The following CDKL3 variants were observed in gnomAD, a reference collection of about 807,000 sequenced individuals.
CDKL3 encodes the protein cyclin dependent kinase like 3, also known as cyclin-dependent kinase-like 3.
In CDKL3, 65 loss-of-function variants were observed where a neutral mutation model predicts 69.3. The observed-to-expected ratio is 0.94, with a 90% CI of 0.77 to 1.15. The LOEUF (loss-of-function observed/expected upper bound fraction) is 1.15. Ranked by LOEUF, CDKL3 falls within the 50% of genes most tolerant of loss-of-function variation. The pLI, the probability that CDKL3 is intolerant of heterozygous loss-of-function variation, is 0.00. For missense variants in CDKL3, 652 were observed against 689.2 expected (o/e 0.95, Z 0.61); for synonymous variants, 202 against 221.6 (o/e 0.91, Z 0.79).
At chr5:134,297,657 C>T (rs1243575680), downstream of CDKL3, among the ~76,000 whole-genome samples, 1 of 151,566 alleles carries the variant, frequency 6.6e-6, no homozygotes, top group African/African-American at 2.4e-5. Flanking sequence ...TCTCGGCTCA[C>T]CACAACCTCC....
intron 5 of CDKL3, among the ~76,000 whole-genome samples, chr5:134,321,386 G>A (rs1283783831): frequency 6.6e-6 from 1 of 151,948 alleles, no homozygotes; most frequent in African/African-American, 2.4e-5. Context: ...AAAGAAGGGT[G>A]GTTTCTGAGT....
chr5:134,342,599 C>CAAAAAA (rs1037920958), intron 4 of CDKL3, among the ~76,000 whole-genome samples: 2 of 93,620 alleles, frequency 2.1e-5, no homozygotes. Context: ...GACTCTGTCT[C>CAAAAAA]AAAAAAAAAA....
intron 5 of CDKL3, among the ~76,000 whole-genome samples, chr5:134,319,920 G>A (rs959249736): frequency 8.6e-5 from 13 of 152,032 alleles, no homozygotes; most frequent in African/African-American, 2.9e-4. Context: ...TCAAAATATT[G>A]CAAAAAAAGA....
chr5:134,283,759 A>AAAGTCCACTTGCCTTATCTGAGATAAGGC (rs1764730683), downstream of CDKL3, among the ~76,000 whole-genome samples: 10 of 152,070 alleles, frequency 6.6e-5, no homozygotes, highest in Admixed American at 3.3e-4. Flanking sequence ...AGTCTACTCA[A>AAAGTCCACTTGCCTTATCTGAGATAAGGC]AAGTCCACTT....
downstream of CDKL3, chr5:134,298,055 T>C (rs1765470023): frequency 6.3e-6 from 1 of 159,206 alleles, no homozygotes; most frequent in Non-Finnish European, 1.3e-5. Flanking sequence ...TGTCTCAGCC[T>C]CCTGAGTAGC....
chr5:134,299,427 A>C, intron 12 of CDKL3: 1 of 1,008,420 alleles, frequency 9.9e-7, no homozygotes, highest in South Asian at 3.1e-5. Flanking sequence ...AAATAAAATT[A>C]TATGACTAAA....
At chr5:134,328,961 G>A (rs1353936920) in intron 4 of CDKL3, among the ~76,000 whole-genome samples, 5 of 152,154 alleles carry the variant, frequency 3.3e-5, no homozygotes, top group African/African-American at 9.7e-5. Flanking sequence ...AAAACTGAGA[G>A]AATTTGTTGC....
At chr5:134,283,783 T>C (rs1402910102), downstream of CDKL3, among the ~76,000 whole-genome samples, 1 of 152,106 alleles carries the variant, frequency 6.6e-6, no homozygotes, top group East Asian at 1.9e-4. Flanking sequence ...TTATCTGAGA[T>C]AAGGCAAGTC....
At position 134,308,333 on chromosome 5, in the gene CDKL3, T is replaced by C. The variant is rs371077911; in HGVS notation, c.1169A>G (p.Asn390Ser). The C allele has an allele frequency of 2.5e-5, 41 of 1,613,990 alleles. No individual in the cohort carries two copies. In the African/African-American group the frequency reaches 5.5e-4, roughly 22 times the overall value. Residue 390 changes from asparagine to serine, a missense_variant, in exon 9 of 13, where the codon AAT becomes AGT. By Grantham distance (46) the Asn-to-Ser change is conservative. Coordinates refer to ENST00000265334, the MANE Select transcript of CDKL3 (RefSeq NM_001113575.2). ...GGLGQQDANE[N>S]VHPMSPDTKL... ...TGTATCTGGAGACATAGGATGAACA[T>C]TTTCATTTGCATCCTGTTGACCAAG...
chr5:134,365,858 T>C (rs1757277979), intron 2 of CDKL3, among the ~76,000 whole-genome samples: 1 of 152,204 alleles, frequency 6.6e-6, no homozygotes. Flanking sequence ...CACAACAGTT[T>C]CTCCCTCTTA....
intron 2 of CDKL3, among the ~76,000 whole-genome samples, chr5:134,365,068 C>T (rs1369118974): frequency 1.3e-5 from 2 of 151,670 alleles, no homozygotes; most frequent in African/African-American, 4.8e-5. Flanking sequence ...CTGCAAGCTC[C>T]GCCTCCCGGG....
intron 4 of CDKL3, among the ~76,000 whole-genome samples, chr5:134,344,073 T>C (rs1367775528): frequency 1.3e-5 from 2 of 152,184 alleles, no homozygotes; most frequent in Non-Finnish European, 2.9e-5. Flanking sequence ...CATCAAATGG[T>C]GCTGGGACAA....
intron 4 of CDKL3, among the ~76,000 whole-genome samples, chr5:134,336,008 C>T (rs954647554): frequency 3.3e-5 from 5 of 152,130 alleles, no homozygotes; most frequent in South Asian, 2.1e-4. Context: ...TTCTTGGAGG[C>T]TTTGTTCGTT....
chr5:134,361,905 A>G (rs867641737), intron 2 of CDKL3, among the ~76,000 whole-genome samples: 10 of 152,278 alleles, frequency 6.6e-5, no homozygotes, highest in African/African-American at 2.4e-4. Context: ...ACTCCGTCTC[A>G]AGGAATTGAT....
chr5:134,303,936 A>AT (rs1207146479), intron 11 of CDKL3, among the ~76,000 whole-genome samples: 7 of 147,778 alleles, frequency 4.7e-5, no homozygotes, highest in Non-Finnish European at 5.9e-5. Context: ...ATTAAAAAAA[A>AT]ATTTTTTTTT....
chr5:134,344,879 T>C (rs1439576612), intron 4 of CDKL3, among the ~76,000 whole-genome samples: 2 of 151,822 alleles, frequency 1.3e-5, no homozygotes, highest in Non-Finnish European at 2.9e-5. Context: ...CTGACCAACA[T>C]GGTGAATCCC....
chr5:134,357,631 C>CA (rs570936252), intron 3 of CDKL3, among the ~76,000 whole-genome samples: 7 of 150,166 alleles, frequency 4.7e-5, no homozygotes, highest in South Asian at 2.1e-4. Flanking sequence ...GACTCTGTCT[C>CA]AAAAAAAAAT....
At chr5:134,306,121 TA>T (rs1767762999) in intron 10 of CDKL3, among the ~76,000 whole-genome samples, 1 of 152,000 alleles carries the variant, frequency 6.6e-6, no homozygotes, top group South Asian at 2.1e-4. Flanking sequence ...TATATGAACT[TA>T]ATTAATTGTG....
At position 134,314,129 on chromosome 5, in the gene CDKL3, G is replaced by C. The variant is rs184474948; in HGVS notation, c.793-1749C>G. 1.6e-4 allele frequency among the ~76,000 whole-genome samples: 24 copies of C among 152,204 alleles called. No homozygotes were observed. The East Asian group carries it at 4.2e-3, about 27-fold the overall frequency. On this transcript the variant is annotated intron_variant, in intron 6 of 12. Transcript: ENST00000265334. ...CATTGCACTCCAGCCTGGGCAAGAA[G>C]AGCAAAGCTCCGTCTCAAAAACAAA...
Sources: gnomAD v4.1 joint callset for allele counts (sites outside exome capture counted in the v4.1 genomes callset) on GRCh38, gnomAD v4.1.1 for gene constraint, MANE v1.5 for transcripts, NCBI Gene and HGNC (gene_info 2026-07-23, HGNC 2026-07-21) for gene names.